PRKCA: variants seen among roughly 807,000 people sequenced by gnomAD.
PRKCA encodes the protein protein kinase C alpha.
A neutral mutation model predicts 87.0 loss-of-function variants in PRKCA; 27 were observed. The observed-to-expected ratio is 0.31, with a 90% CI of 0.23 to 0.43. The LOEUF (loss-of-function observed/expected upper bound fraction) is 0.43, where lower values mean the gene tolerates loss of function less well. Among genes scored for constraint, PRKCA ranks in the 20% least tolerant of loss-of-function variants. The probability of loss-of-function intolerance (pLI) is 1.00; values close to 1 mark genes in which losing one functional copy is unlikely to be tolerated. For missense variants in PRKCA, 518 were observed against 852.3 expected (o/e 0.61, Z 4.88); for synonymous variants, 329 against 311.1 (o/e 1.06, Z -0.61).
At chr17:66,657,516 G>A (rs753279276) in intron 5 of PRKCA, among the ~76,000 whole-genome samples, 31 of 152,104 alleles carry the variant, frequency 2.0e-4, no homozygotes, top group Non-Finnish European at 4.1e-4. Flanking sequence ...GGGAAATGCC[G>A]CACTGACCTC....
chr17:66,547,329 G>A (rs1284786003), intron 3 of PRKCA, among the ~76,000 whole-genome samples: 4 of 152,074 alleles, frequency 2.6e-5, no homozygotes, highest in African/African-American at 9.7e-5. Flanking sequence ...TGCTATGGAT[G>A]ACACACAATC....
intron 3 of PRKCA, among the ~76,000 whole-genome samples, chr17:66,627,042 G>A (rs1048941790): frequency 2.6e-5 from 4 of 152,154 alleles, no homozygotes; most frequent in Non-Finnish European, 5.9e-5. Context: ...CTAGACATTT[G>A]TTGTGGCAAA....
At chr17:66,449,150 G>T (rs1170406750) in intron 2 of PRKCA, among the ~76,000 whole-genome samples, 2 of 151,980 alleles carry the variant, frequency 1.3e-5, no homozygotes, top group African/African-American at 4.8e-5. Context: ...ATAGCTGGGT[G>T]TGGTGGCATG....
At chr17:66,434,777 G>T (rs929426007) in intron 2 of PRKCA, among the ~76,000 whole-genome samples, 1 of 152,158 alleles carries the variant, frequency 6.6e-6, no homozygotes, top group Non-Finnish European at 1.5e-5. Context: ...TAGAATGATA[G>T]CACCCCAGCA....
chr17:66,796,651 CT>C, intron 16 of PRKCA: 3 of 985,384 alleles, frequency 3.0e-6, no homozygotes, highest in Non-Finnish European at 3.6e-6. Context: ...GGCCAGACCC[CT>C]TTGCTGGATA....
intron 2 of PRKCA, among the ~76,000 whole-genome samples, chr17:66,394,498 C>T (rs566878623): frequency 9.8e-5 from 15 of 152,314 alleles, no homozygotes; most frequent in South Asian, 8.3e-4. Flanking sequence ...ATCACGACAT[C>T]GGGCACACCT....
At chr17:66,575,358 C>T (rs1282098894) in intron 3 of PRKCA, among the ~76,000 whole-genome samples, 1 of 152,196 alleles carries the variant, frequency 6.6e-6, no homozygotes, top group Non-Finnish European at 1.5e-5. Flanking sequence ...GTGGGCGGAT[C>T]ACCTGAGGTC....
intron 2 of PRKCA, among the ~76,000 whole-genome samples, chr17:66,345,802 A>C (rs1907324522): frequency 6.6e-6 from 1 of 152,220 alleles, no homozygotes; most frequent in East Asian, 1.9e-4. Context: ...GGAAATGAGC[A>C]AAAATTTTGA....
intron 3 of PRKCA, among the ~76,000 whole-genome samples, chr17:66,512,030 C>T (rs1449182348): frequency 4.6e-5 from 7 of 152,024 alleles, no homozygotes; most frequent in South Asian, 2.1e-4. Context: ...TGAGAGAGTC[C>T]AGCACAGTAG....
chr17:66,712,354 C>T (rs756006825), intron 8 of PRKCA, among the ~76,000 whole-genome samples: 12 of 152,190 alleles, frequency 7.9e-5, no homozygotes, highest in African/African-American at 1.7e-4. Context: ...TGTGGCCTGA[C>T]GTGCCTGAGT....
chr17:66,527,810 C>G (rs1337738593), intron 3 of PRKCA, among the ~76,000 whole-genome samples: 1 of 152,190 alleles, frequency 6.6e-6, no homozygotes, highest in African/African-American at 2.4e-5. Context: ...TCATAATGAT[C>G]TTTTTAACTG....
chr17:66,797,714 A>T (rs1431294406), intron 16 of PRKCA, among the ~76,000 whole-genome samples: 1 of 152,080 alleles, frequency 6.6e-6, no homozygotes, highest in East Asian at 1.9e-4. Context: ...CTGTGTCCCC[A>T]CTTTCCCTTG....
In PRKCA at chr17:66,322,527, A is replaced by G. The variant is rs913109472; in HGVS notation, c.205+16400A>G. ...ATCCAGGCTAGAGTGCAGTGGTACA[A>G]TCCTAGCTCACTGCAGCCTCCAACT... is the stretch of plus-strand genomic sequence containing the variant. On this transcript the variant is annotated intron_variant, in intron 2 of 16. Coordinates refer to ENST00000413366, the MANE Select transcript of PRKCA (RefSeq NM_002737.3). 2.6e-5 allele frequency among the ~76,000 whole-genome samples: 4 copies of G among 152,054 alleles called. No homozygotes were observed. In the East Asian group the frequency reaches 7.7e-4, roughly 29 times the overall value.
At chr17:66,579,797 G>A (rs760084351) in intron 3 of PRKCA, among the ~76,000 whole-genome samples, 2 of 152,152 alleles carry the variant, frequency 1.3e-5, no homozygotes, top group Non-Finnish European at 2.9e-5. Flanking sequence ...TATGTGATCA[G>A]ACTTGGTTGG....
intron 5 of PRKCA, among the ~76,000 whole-genome samples, chr17:66,664,963 C>G (rs1394481974): frequency 6.6e-6 from 1 of 152,034 alleles, no homozygotes; most frequent in Non-Finnish European, 1.5e-5. Context: ...TATGCCAACC[C>G]TGAAAGCAGA....
At chr17:66,563,947 CTTCT>C (rs1555620104) in intron 3 of PRKCA, among the ~76,000 whole-genome samples, 1 of 139,302 alleles carries the variant, frequency 7.2e-6, no homozygotes, top group African/African-American at 2.7e-5. Context: ...GTACTTGTTT[CTTCT>C]TTCCTTCCTT....
intron 2 of PRKCA, among the ~76,000 whole-genome samples, chr17:66,418,807 A>G (rs537377221): frequency 1.3e-5 from 2 of 152,032 alleles, no homozygotes; most frequent in African/African-American, 2.4e-5. Flanking sequence ...GCTGGAGTGC[A>G]GTGGCGCGAT....
intron 16 of PRKCA, among the ~76,000 whole-genome samples, chr17:66,802,376 G>A (rs542729658): frequency 1.3e-5 from 2 of 152,098 alleles, no homozygotes; most frequent in South Asian, 2.1e-4. Context: ...AAGTAGCTTC[G>A]TCGCTGGGCG....
intron 3 of PRKCA, among the ~76,000 whole-genome samples, chr17:66,604,999 C>T (rs976169675): frequency 6.6e-6 from 1 of 152,160 alleles, no homozygotes; most frequent in African/African-American, 2.4e-5. Flanking sequence ...CCCTGGAAGA[C>T]ATAAGCATCC....
Sources: gnomAD v4.1 joint callset for allele counts (sites outside exome capture counted in the v4.1 genomes callset) on GRCh38, gnomAD v4.1.1 for gene constraint, MANE v1.5 for transcripts, NCBI Gene and HGNC (gene_info 2026-07-23, HGNC 2026-07-21) for gene names.